TRPV3: variants seen among roughly 807,000 people sequenced by gnomAD.
TRPV3 encodes transient receptor potential cation channel subfamily V member 3.
A neutral mutation model predicts 87.1 loss-of-function variants in TRPV3; 88 were observed. The observed-to-expected ratio is 1.01, with a 90% confidence interval of 0.85 to 1.21. The LOEUF is 1.21. Among genes scored for constraint, TRPV3 ranks in the 50% most tolerant of loss-of-function variants. The pLI is 0.00. For missense variants in TRPV3, 1,054 were observed against 1,030.1 expected, an observed-to-expected ratio of 1.02 and a Z score of -0.32; for synonymous variants, 438 against 423.3, an observed-to-expected ratio of 1.03 and a Z score of -0.43.
Position 3,512,784 on chromosome 17 carries a change from T to C in TRPV3, c.*1133A>G, listed in dbSNP as rs1052008791. 1 of 151,748 alleles carries C rather than the reference T, an allele frequency of 6.6e-6. No individual in the cohort carries two copies. Among genetic ancestry groups the C allele is most frequent in the Admixed American group, 6.6e-5 (1 of 15,208 alleles). 9.4% of individuals were successfully genotyped at this position (151,748 alleles called of 1,614,324 possible). On this transcript the variant is annotated 3_prime_UTR_variant, in exon 18 of 18. Coordinates refer to ENST00000576742, the MANE Select transcript of TRPV3 (RefSeq NM_145068.4). ...GGCAAATGCTTTTCTCTCACAAGCT[T>C]CCCCTTCAGCTTCAAAATTCACAGT...
At chr17:3,551,449 C>G (rs2074572753) in intron 2 of TRPV3, among the ~76,000 whole-genome samples, 3 of 152,246 alleles carry the variant, frequency 2.0e-5, no homozygotes, top group South Asian at 2.1e-4. Context: ...TTCCTTCTGT[C>G]CAGACCAAAG....
In TRPV3 at chr17:3,556,774, A is replaced by G. The variant is rs1485695706; in HGVS notation, c.-3+902T>C. ...AGCCCACAGAGAGGGACTCCTGGGC[A>G]CCCGGCCCTCCCGTGTCCAGTCACG... is the stretch of plus-strand genomic sequence containing the variant. On this transcript the variant is annotated intron_variant, in intron 1 of 17. Transcript: ENST00000576742. This position sits in a 1 kb window ranked among gnomAD's most constrained non-coding sequence, Gnocchi z 4.2. Among the ~76,000 whole-genome samples the G allele has an allele frequency of 6.6e-6, 1 of 152,064 alleles. No individual in the cohort carries two copies. Among genetic ancestry groups the G allele is most frequent in the African/African-American group, 2.4e-5 (1 of 41,412 alleles).
intron 14 of TRPV3, among the ~76,000 whole-genome samples, chr17:3,519,422 T>TGGA (rs143820760): frequency 5.3e-4 from 59 of 111,246 alleles, no homozygotes; most frequent in Non-Finnish European, 7.3e-4. Flanking sequence ...GGATGGATGA[T>TGGA]TGGATGGATG....
intron 2 of TRPV3, among the ~76,000 whole-genome samples, chr17:3,545,978 G>T (rs1397538756): frequency 1.5e-5 from 2 of 130,644 alleles, no homozygotes; most frequent in Admixed American, 8.2e-5. Flanking sequence ...TGACAGAGCA[G>T]GACTCCGTCT....
At chr17:3,536,227 G>A (rs911319220) in intron 6 of TRPV3, among the ~76,000 whole-genome samples, 1 of 152,180 alleles carries the variant, frequency 6.6e-6, no homozygotes, top group Non-Finnish European at 1.5e-5. Context: ...CTGGCAGGAC[G>A]AGAATGTAGG....
intron 7 of TRPV3, among the ~76,000 whole-genome samples, chr17:3,533,263 T>A (rs2074367167): frequency 6.6e-6 from 1 of 152,112 alleles, no homozygotes; most frequent in Non-Finnish European, 1.5e-5. Context: ...CCTCTCTCCA[T>A]CACTCACTCC....
rs1298305532 is a variant in TRPV3 at position 3,524,257 on chromosome 17, T to C, written c.1684A>G (p.Met562Val). ...TGGAAACCCCGCGTATAGTAGAGCA[T>C]GTTCGCCCAGCCCAGGGCCATGGCC... ...VLAMALGWAN[M>V]LYYTRGFQSM... The change falls in exon 13 of 18, where the codon ATG becomes GTG. Residue 562 changes from methionine to valine, a missense_variant. Physicochemically the swap from Met to Val is conservative, Grantham distance 21 (BLOSUM62 1). Transcript: ENST00000576742. 11 of 1,614,248 alleles carry C rather than the reference T, an allele frequency of 6.8e-6. No homozygotes were observed. Among genetic ancestry groups the C allele is most frequent in the African/African-American group, 1.3e-5 (1 of 75,068 alleles).
chr17:3,511,136 A>C lies in TRPV3; in HGVS notation c.*2781T>G, dbSNP rs956472069. ...AGTTTTAGGATGTCCTGATAGACCC[A>C]CGGGTTCAACGGGGTGTGTGTGGGG... On this transcript the variant is annotated 3_prime_UTR_variant, in exon 18 of 18. Coordinates refer to ENST00000576742, the MANE Select transcript of TRPV3 (RefSeq NM_145068.4). The C allele has an allele frequency of 6.6e-6, 1 of 152,194 alleles. No individual in the cohort carries two copies. Among genetic ancestry groups the C allele is most frequent in the Non-Finnish European group, 1.5e-5 (1 of 68,072 alleles). 9.4% of individuals were successfully genotyped at this position (152,194 alleles called of 1,614,324 possible). A position where few individuals can be genotyped will look rare whatever the true frequency, so the allele number is the denominator to read the frequency against.
In TRPV3 at chr17:3,527,920, C is replaced by T. The variant is rs1222884344; in HGVS notation, c.1503+105G>A. The stretch of plus-strand genomic sequence containing the variant: ...AGAAAGGTAAGGCTTGGGAAGGAAA[C>T]GCCTCCCCAGAACCCCCCAGCAGTA... On this transcript the variant is annotated intron_variant, in intron 11 of 17. Coordinates refer to ENST00000576742, the MANE Select transcript of TRPV3 (RefSeq NM_145068.4). The T allele has an allele frequency of 1.8e-5, 16 of 886,378 alleles. No individual in the cohort carries two copies. In the African/African-American group the frequency reaches 1.8e-4, roughly 10 times the overall value. 54.9% of individuals were successfully genotyped at this position (886,378 alleles called of 1,614,324 possible).
At chr17:3,527,910 G>T in intron 11 of TRPV3, 115 bp downstream of exon 11, 1 of 801,776 alleles carries the variant, frequency 1.2e-6, no homozygotes, top group Non-Finnish European at 2.1e-6. Context: ...GGTAAGGCTT[G>T]GGAAGGAAAC....
chr17:3,519,764 AGATGGATGGATG>A (rs138638388), intron 14 of TRPV3, among the ~76,000 whole-genome samples: 1 of 92,958 alleles, frequency 1.1e-5, no homozygotes, highest in East Asian at 3.9e-4. Context: ...ATGAATGATT[AGATGGATGGATG>A]GATGGATGGA....
chr17:3,535,558 G>C lies in TRPV3; in HGVS notation c.784+15C>G, dbSNP rs975007820. The C allele has an allele frequency of 1.3e-6, 2 of 1,570,086 alleles. No homozygotes were observed. Among genetic ancestry groups the C allele is most frequent in the South Asian group, 1.2e-5 (1 of 86,486 alleles). On this transcript the variant is annotated intron_variant, in intron 7 of 17. Coordinates refer to ENST00000576742, the MANE Select transcript of TRPV3 (RefSeq NM_145068.4). Reference sequence around the variant, plus strand: ...CCTCCTCCCAGACTCCGCACCGGGCGGGGGCGGCACCCACCGAAGTAGAAG... The same window carrying C: ...CCTCCTCCCAGACTCCGCACCGGGCCGGGGCGGCACCCACCGAAGTAGAAG...
chr17:3,535,206 T>C (rs2074390774), intron 7 of TRPV3, among the ~76,000 whole-genome samples: 3 of 41,522 alleles, frequency 7.2e-5, no homozygotes, highest in Non-Finnish European at 9.7e-5. Flanking sequence ...CCCTCCTCCT[T>C]CTCCCTTCTG....
chr17:3,533,159 T>C (rs751958168), intron 7 of TRPV3, among the ~76,000 whole-genome samples: 3 of 152,088 alleles, frequency 2.0e-5, no homozygotes, highest in Non-Finnish European at 2.9e-5. Flanking sequence ...AATACTCTGC[T>C]CAGCACAGCA....
chr17:3,532,912 T>G lies in TRPV3; in HGVS notation c.810A>C (p.Ala270=). The G allele has an allele frequency of 1.2e-6, 2 of 1,614,144 alleles. No homozygotes were observed. Among genetic ancestry groups the G allele is most frequent in the Non-Finnish European group, 1.7e-6 (2 of 1,180,026 alleles). The change falls in exon 8 of 18, where the codon GCA becomes GCC. Residue 270 remains alanine (A), a synonymous_variant. Coordinates refer to ENST00000576742, the MANE Select transcript of TRPV3 (RefSeq NM_145068.4). ...YFGETPLALA[A]CTNQPEIVQL... Reference sequence around the variant, plus strand: ...GCACAATCTCGGGCTGGTTGGTGCATGCTGCCAGGGCCAGGGGCGTCTCAC... The same window carrying G: ...GCACAATCTCGGGCTGGTTGGTGCAGGCTGCCAGGGCCAGGGGCGTCTCAC...
Position 3,556,504 on chromosome 17 carries a change from G to C in TRPV3, c.-3+1172C>G, listed in dbSNP as rs1293009284. ...AGGGGACTCACCTGGCGACACATAG[G>C]TGGGGGCAGGAAGACGGATTTCTGT... is the stretch of plus-strand genomic sequence containing the variant. On this transcript the variant is annotated intron_variant, in intron 1 of 17. Coordinates refer to ENST00000576742, the MANE Select transcript of TRPV3 (RefSeq NM_145068.4). The surrounding 1 kb of genome is among the most constrained non-coding windows in gnomAD (Gnocchi z 4.2). Among the ~76,000 whole-genome samples, 1 of 152,126 alleles carries C rather than the reference G, an allele frequency of 6.6e-6. No homozygotes were observed. Among genetic ancestry groups the C allele is most frequent in the East Asian group, 1.9e-4 (1 of 5,188 alleles).
intron 2 of TRPV3, among the ~76,000 whole-genome samples, chr17:3,547,179 A>G (rs767065938): frequency 1.6e-4 from 24 of 152,200 alleles, no homozygotes; most frequent in Non-Finnish European, 2.8e-4. Context: ...TCAGGTCTGA[A>G]GTCAGACGCC....
At position 3,518,490 on chromosome 17, in the gene TRPV3, C is replaced by T. The variant is rs531603209; in HGVS notation, c.2085+86G>A. On this transcript the variant is annotated intron_variant, in intron 15 of 17. Coordinates refer to ENST00000576742, the MANE Select transcript of TRPV3 (RefSeq NM_145068.4). This position sits in a 1 kb window ranked among gnomAD's most constrained non-coding sequence, Gnocchi z 4.3. ...GCAGATTCTCAGGCCCCACCTCAGA[C>T]CCACTGGTGCTGACAGTAGTCAATG... 2 of 1,437,190 alleles carry T rather than the reference C, an allele frequency of 1.4e-6. No homozygotes were observed. The highest frequency in any genetic ancestry group is 2.9e-5 in the South Asian group (2 of 69,752). The allele number at this position is 1,437,190 out of a possible 1,614,324, so 89.0% of individuals were successfully genotyped here. A position where few individuals can be genotyped will look rare whatever the true frequency, so the allele number is the denominator to read the frequency against.
intron 13 of TRPV3, among the ~76,000 whole-genome samples, chr17:3,522,811 A>G (rs1224319660): frequency 6.8e-6 from 1 of 146,948 alleles, no homozygotes; most frequent in African/African-American, 2.5e-5. Flanking sequence ...AGCGAGACTC[A>G]GTCACAAACA....
Sources: gnomAD v4.1 joint callset for allele counts (sites outside exome capture counted in the v4.1 genomes callset) on GRCh38, gnomAD v4.1.1 for gene constraint, Gnocchi (gnomAD v3.1) non-coding constraint, MANE v1.5 for transcripts, NCBI Gene and HGNC (gene_info 2026-07-23, HGNC 2026-07-21) for gene names.